The following GBP2 variants were observed in gnomAD, a reference collection of about 807,000 sequenced individuals.
GBP2 encodes guanylate-binding protein 2.
GBP2 carries 54 observed loss-of-function variants against 60.8 expected under a neutral mutation model. The ratio of observed to expected loss-of-function variants is 0.89; its 90% confidence interval spans 0.71 to 1.11. The LOEUF (loss-of-function observed/expected upper bound fraction) is 1.11, where lower values mean the gene tolerates loss of function less well. Ranked by LOEUF, GBP2 falls within the 50% of genes most tolerant of loss-of-function variation. GBP2 has a pLI of 0.00. For missense variants in GBP2, 665 were observed against 703.3 expected (o/e 0.95, Z 0.62); for synonymous variants, 243 against 256.5 (o/e 0.95, Z 0.50).
chr1:89,109,556 G>GGAA (rs1316733441), intron 10 of GBP2, 121 bp downstream of exon 10: 3 of 721,458 alleles, frequency 4.2e-6, no homozygotes, highest in African/African-American at 3.6e-5. Context: ...AGTTAGGGAA[G>GGAA]GAAAAATGTA....
At position 89,117,152 on chromosome 1, in the gene GBP2, G is replaced by A. The variant is rs1319474106; in HGVS notation, c.708C>T (p.Phe236=). The part of the protein sequence containing the change: ...KFFPKRKCFV[F]DWPAPKKYLA... ...GGTACTTCTTAGGAGCGGGCCAATC[G>A]AAGACGAAGCACTTCCTCTTGGGGA... Residue 236 remains phenylalanine (F), a synonymous_variant, in exon 6 of 11, where the codon TTC becomes TTT. Transcript: ENST00000370466. The A allele has an allele frequency of 2.5e-6, 4 of 1,614,022 alleles. No homozygotes were observed. The highest frequency in any genetic ancestry group is 3.3e-5 in the Admixed American group (2 of 59,994).
Position 89,110,038 on chromosome 1 carries a change from C to T in GBP2, c.1465+126G>A, listed in dbSNP as rs144969028. 4.2e-6 allele frequency: 4 copies of T among 941,742 alleles called. No individual in the cohort carries two copies. The African/African-American group carries it at 6.6e-5, about 16-fold the overall frequency. 58.3% of individuals were successfully genotyped at this position (941,742 alleles called of 1,614,324 possible). On this transcript the variant is annotated intron_variant, in intron 9 of 10. Transcript: ENST00000370466. ...TGATCATACAGATTAGTTAAGAAAA[C>T]TCTCATAGAACTATGAATGATACTT...
intron 4 of GBP2, 37 bp downstream of exon 4, chr1:89,120,142 T>C (rs1259865215): frequency 2.0e-6 from 3 of 1,469,304 alleles, no homozygotes; most frequent in Non-Finnish European, 2.9e-6. Flanking sequence ...TGTTATTTTC[T>C]AGGTTTACTG....
At chr1:89,121,630 T>C in intron 2 of GBP2, 147 bp downstream of exon 2, 1 of 821,090 alleles carries the variant, frequency 1.2e-6, no homozygotes. Context: ...ACTGTAATCC[T>C]CCAAAGTCAA....
chr1:89,110,524 C>G (rs945481260), intron 8 of GBP2, among the ~76,000 whole-genome samples: 2 of 152,118 alleles, frequency 1.3e-5, no homozygotes, highest in African/African-American at 4.8e-5. Flanking sequence ...CCATGGAATA[C>G]TACTCAGCCA....
chr1:89,124,601 T>A (rs1361225048), intron 1 of GBP2, among the ~76,000 whole-genome samples: 3 of 152,236 alleles, frequency 2.0e-5, no homozygotes, highest in Non-Finnish European at 2.9e-5. Context: ...TGGTCCTGAT[T>A]TCTTCCAAGC....
intron 1 of GBP2, among the ~76,000 whole-genome samples, chr1:89,122,266 A>T (rs1047827234): frequency 2.6e-5 from 4 of 152,214 alleles, no homozygotes; most frequent in East Asian, 1.9e-4. Context: ...TAACCATAGA[A>T]CAAGGATTTT....
chr1:89,121,785 T>C lies in GBP2; in HGVS notation c.182A>G (p.Lys61Arg). The change falls in exon 2 of 11, where the codon AAG becomes AGG. Residue 61 changes from lysine (K) to arginine (R), a missense_variant. Physicochemically the swap from Lys to Arg is conservative, Grantham distance 26. Transcript: ENST00000370466. ...KSYLMNKLAG[K>R]KNGFSLGSTV... ...TTGCTGGTGTCACTCACCGTTTTTC[T>C]TCCCAGCCAGCTTGTTCATCAGGTA... 1 of 1,613,914 alleles carries C rather than the reference T, an allele frequency of 6.2e-7. No homozygotes were observed. The highest frequency in any genetic ancestry group is 8.5e-7 in the Non-Finnish European group (1 of 1,179,836).
chr1:89,120,621 A>G (rs1214745285), intron 3 of GBP2, among the ~76,000 whole-genome samples: 1 of 152,324 alleles, frequency 6.6e-6, no homozygotes, highest in Middle Eastern at 3.4e-3. Flanking sequence ...TCATAGTAAG[A>G]TATTTTTTAC....
chr1:89,109,692 G>A lies in GBP2; in HGVS notation c.1644C>T (p.Leu548=), dbSNP rs142430223. Residue 548 remains leucine (L), a synonymous_variant, in exon 10 of 11, where the codon CTC becomes CTT. Transcript: ENST00000370466. ...AATTGAATACCTGAAGTTTAAGAGC[G>A]AGGGTCTTCTCTTGCTCTGCCATTA... ...AQLMAEQEKT[L]ALKLQEQERL... is the part of the protein sequence containing the mutation. 1.2e-5 allele frequency: 20 copies of A among 1,613,306 alleles called. No individual in the cohort carries two copies. The Middle Eastern group carries it at 6.6e-4, about 54-fold the overall frequency.
At position 89,114,222 on chromosome 1, in the gene GBP2, G is replaced by T. The variant is rs1217883043; in HGVS notation, c.943C>A (p.Leu315Met). The change falls in exon 7 of 11, where the codon CTG becomes ATG. Residue 315 changes from leucine (L) to methionine (M), a missense_variant. Leu to Met is a conservative substitution (Grantham distance 15). Coordinates refer to ENST00000370466, the MANE Select transcript of GBP2 (RefSeq NM_004120.5). ...GDLPCMENAV[L>M]ALAQIENSAA... Reference sequence around the variant, plus strand: ...GAGTTCTCTATCTGGGCCAAGGCCAGGACTGCGTTCTCCATGCAGGGTAGA... The same window carrying T: ...GAGTTCTCTATCTGGGCCAAGGCCATGACTGCGTTCTCCATGCAGGGTAGA... 6.2e-7 allele frequency: 1 copy of T among 1,614,234 alleles called. No individual in the cohort carries two copies. The highest frequency in any genetic ancestry group is 2.2e-5 in the East Asian group (1 of 44,892).
Position 89,116,466 on chromosome 1 carries a change from CTT to C in GBP2, c.868+524_868+525del, listed in dbSNP as rs58776535. On this transcript the variant is annotated intron_variant, in intron 6 of 10. Coordinates refer to ENST00000370466, the MANE Select transcript of GBP2 (RefSeq NM_004120.5). ...GTGTTAACCACTATTTATCATTATA[CTT>C]TTTTTTTTTTTTACTTTTTACAGAA... is the stretch of plus-strand genomic sequence containing the variant. 5.2e-3 allele frequency among the ~76,000 whole-genome samples: 759 copies of C among 145,188 alleles called. 2 individuals carry two copies. Among genetic ancestry groups the C allele is most frequent in the Middle Eastern group, 0.018 (5 of 280 alleles).
chr1:89,117,168 C>G lies in GBP2; in HGVS notation c.692G>C (p.Arg231Thr). 6.2e-7 allele frequency: 1 copy of G among 1,614,136 alleles called. No homozygotes were observed. The highest frequency in any genetic ancestry group is 1.1e-5 in the South Asian group (1 of 91,078). Reference sequence around the variant, plus strand: ...GGGCCAATCGAAGACGAAGCACTTCCTCTTGGGGAAGAACTTTCGGATGCA... The same window carrying G: ...GGGCCAATCGAAGACGAAGCACTTCGTCTTGGGGAAGAACTTTCGGATGCA... The part of the protein sequence containing the change: ...RLCIRKFFPK[R>T]KCFVFDWPAP... The change falls in exon 6 of 11, where the codon AGG becomes ACG. Residue 231 changes from arginine (R) to threonine (T), a missense_variant. Coordinates refer to ENST00000370466, the MANE Select transcript of GBP2 (RefSeq NM_004120.5).
chr1:89,116,801 C>T lies in GBP2; in HGVS notation c.868+191G>A, dbSNP rs534331943. Among the ~76,000 whole-genome samples the T allele has an allele frequency of 2.0e-5, 3 of 151,556 alleles. No individual in the cohort carries two copies. In the South Asian group the frequency reaches 6.2e-4, roughly 31 times the overall value. ...TTCTTTTCTTTTTTTATTCTCCTTG[C>T]AAGGAATATGAGATGATACTATAGC... is the stretch of plus-strand genomic sequence containing the variant. On this transcript the variant is annotated intron_variant, in intron 6 of 10. Coordinates refer to ENST00000370466, the MANE Select transcript of GBP2 (RefSeq NM_004120.5).
At position 89,120,281 on chromosome 1, in the gene GBP2, T is replaced by C. The variant is rs763645925; in HGVS notation, c.326A>G (p.Asn109Ser). 3 of 1,612,838 alleles carry C rather than the reference T, an allele frequency of 1.9e-6. No individual in the cohort carries two copies. Among genetic ancestry groups the C allele is most frequent in the Non-Finnish European group, 2.5e-6 (3 of 1,178,860 alleles). The change falls in exon 4 of 11, where the codon AAT becomes AGT. Residue 109 changes from asparagine (N) to serine (S), a missense_variant. Transcript: ENST00000370466. Reference sequence around the variant, plus strand: ...GGCAAAGATCCAGGAGTCATTCTCATTGTCACCCTGTAAGTCATTGTAGAA... The same window carrying C: ...GGCAAAGATCCAGGAGTCATTCTCACTGTCACCCTGTAAGTCATTGTAGAA... ...EGLGDIEKGDNENDSWIFALA... is the reference protein window; with the variant it reads ...EGLGDIEKGDSENDSWIFALA...
rs202090771 is a variant in GBP2, at chr1:89,121,926, A to G, written c.41T>C (p.Ile14Thr). 18 of 1,613,780 alleles carry G rather than the reference A, an allele frequency of 1.1e-5. No homozygotes were observed. The East Asian group carries it at 2.9e-4, about 26-fold the overall frequency. ...CACCAGCTGCCCTTTAGTGTTATCA[A>G]TGAGGCTCATTGGGCCCGGCAAGTT... ...EINLPGPMSLIDNTKGQLVVN... is the reference protein window; with the variant it reads ...EINLPGPMSLTDNTKGQLVVN... The change falls in exon 2 of 11, where the codon ATT becomes ACT. Residue 14 changes from isoleucine to threonine, a missense_variant. Ile to Thr is a moderately conservative substitution (Grantham distance 89). Transcript: ENST00000370466.
At position 89,120,206 on chromosome 1, in the gene GBP2, A is replaced by T; in HGVS notation, c.401T>A (p.Ile134Asn). 1 of 1,613,982 alleles carries T rather than the reference A, an allele frequency of 6.2e-7. No individual in the cohort carries two copies. The highest frequency in any genetic ancestry group is 8.5e-7 in the Non-Finnish European group (1 of 1,179,874). ...STFVYNSMGT[I>N]NQQAMDQLHY... is the part of the protein sequence containing the mutation. ...AAGTTGGTCCATGGCCTGCTGGTTG[A>T]TGGTTCCCATGCTATTGTACACGAA... Residue 134 changes from isoleucine to asparagine, a missense_variant, in exon 4 of 11, where the codon ATC becomes AAC. Coordinates refer to ENST00000370466, the MANE Select transcript of GBP2 (RefSeq NM_004120.5).
intron 3 of GBP2, among the ~76,000 whole-genome samples, 165 bp from the exon 4 acceptor site, chr1:89,120,453 T>C (rs41309203): frequency 3.7e-4 from 57 of 152,308 alleles, no homozygotes; most frequent in Non-Finnish European, 4.0e-4. Flanking sequence ...AGAACAAATT[T>C]ATAATATTTA....
intron 10 of GBP2, among the ~76,000 whole-genome samples, chr1:89,108,664 T>C (rs1681100701): frequency 6.6e-6 from 1 of 152,196 alleles, no homozygotes; most frequent in Non-Finnish European, 1.5e-5. Flanking sequence ...TGATTTCCAA[T>C]TGGTAGGTTA....
Sources: gnomAD v4.1 joint callset for allele counts (sites outside exome capture counted in the v4.1 genomes callset) on GRCh38, gnomAD v4.1.1 for gene constraint, MANE v1.5 for transcripts, NCBI Gene and HGNC (gene_info 2026-07-23, HGNC 2026-07-21) for gene names.